CNTN5: variants seen among roughly 807,000 people sequenced by gnomAD.
The protein encoded by CNTN5 is contactin-5.
Under a neutral mutation model 129.1 loss-of-function variants are expected in CNTN5, and 77 were observed. The ratio of observed to expected loss-of-function variants is 0.60; its 90% confidence interval spans 0.50 to 0.72. The LOEUF (loss-of-function observed/expected upper bound fraction) is 0.72. CNTN5 is among the 30% of genes least tolerant of loss of function. The probability of loss-of-function intolerance (pLI) is 0.00; values close to 1 mark genes in which losing one functional copy is unlikely to be tolerated. For synonymous variants in CNTN5, 509 were observed against 465.6 expected, an observed-to-expected ratio of 1.09 and a Z score of -1.20; for missense variants, 1,478 against 1,328.8, an observed-to-expected ratio of 1.11 and a Z score of -1.75.
Position 99,819,749 on chromosome 11 carries a change from T to A in CNTN5, c.261T>A (p.Asp87Glu). The change falls in exon 4 of 25, where the codon GAT (aspartate) becomes GAA (glutamate). Residue 87 changes from aspartate (D) to glutamate (E), a missense_variant. Transcript: ENST00000524871. ...CCATCAATCTTTATCATTCCTCAGA[T>A]GCCTTCAAACAAGATGGTAAGTGTC... Reference protein sequence around the residue: ...YSPINLYHSSDAFKQDESVDY... With the variant: ...YSPINLYHSSEAFKQDESVDY... The A allele has an allele frequency of 6.3e-7, 1 of 1,580,626 alleles. No individual in the cohort carries two copies. The highest frequency in any genetic ancestry group is 8.6e-7 in the Non-Finnish European group (1 of 1,161,776).
At chr11:99,486,914 G>A (rs1396059719) in intron 2 of CNTN5, among the ~76,000 whole-genome samples, 1 of 152,118 alleles carries the variant, frequency 6.6e-6, no homozygotes, top group Non-Finnish European at 1.5e-5. Flanking sequence ...AAGGCTTATA[G>A]ACAGTGAGCT....
chr11:99,698,482 A>G (rs1235759256), intron 3 of CNTN5, among the ~76,000 whole-genome samples: 1 of 151,420 alleles, frequency 6.6e-6, no homozygotes, highest in Non-Finnish European at 1.5e-5. Flanking sequence ...TAGCTTATTT[A>G]TCTCCTTTTT....
intron 8 of CNTN5, among the ~76,000 whole-genome samples, chr11:99,958,019 T>C (rs891392817): frequency 2.0e-5 from 3 of 151,916 alleles, no homozygotes; most frequent in African/African-American, 7.2e-5. Context: ...ATATATATAA[T>C]AGTAACAACA....
At chr11:99,192,831 T>A (rs767060580) in intron 1 of CNTN5, among the ~76,000 whole-genome samples, 32 of 152,106 alleles carry the variant, frequency 2.1e-4, no homozygotes, top group Non-Finnish European at 3.2e-4. Flanking sequence ...GGGACTTTAG[T>A]TAAAAGTAAT....
intron 1 of CNTN5, among the ~76,000 whole-genome samples, chr11:99,312,906 A>G (rs939111584): frequency 3.3e-5 from 5 of 152,030 alleles, no homozygotes; most frequent in African/African-American, 1.2e-4. Context: ...TAAAAAGTGA[A>G]GGAGACAAGA....
intron 1 of CNTN5, among the ~76,000 whole-genome samples, chr11:99,137,098 C>G (rs982727380): frequency 5.9e-5 from 9 of 152,064 alleles, no homozygotes; most frequent in Admixed American, 2.0e-4. Flanking sequence ...TGTATAGAAG[C>G]CTTCTGTTGC....
chr11:100,135,472 G>A (rs1021959647), intron 13 of CNTN5, among the ~76,000 whole-genome samples: 3 of 152,018 alleles, frequency 2.0e-5, no homozygotes, highest in African/African-American at 7.2e-5. Flanking sequence ...ACTGCGCCCG[G>A]CCAGAAAAGA....
intron 21 of CNTN5, among the ~76,000 whole-genome samples, chr11:100,328,845 G>A (rs1277986363): frequency 6.6e-6 from 1 of 152,336 alleles, no homozygotes; most frequent in Admixed American, 6.5e-5. Flanking sequence ...CAGATGGACA[G>A]AGCAGCATGT....
intron 8 of CNTN5, among the ~76,000 whole-genome samples, chr11:99,983,487 G>A (rs1473114124): frequency 6.6e-6 from 1 of 150,576 alleles, no homozygotes; most frequent in African/African-American, 2.4e-5. Flanking sequence ...TGAGTAGACA[G>A]AGTCCTTTAA....
At chr11:99,328,610 C>T (rs977436908) in intron 2 of CNTN5, among the ~76,000 whole-genome samples, 1 of 151,900 alleles carries the variant, frequency 6.6e-6, no homozygotes, top group Admixed American at 6.6e-5. Context: ...GTAGTTCACA[C>T]CTGTAATCCC....
chr11:100,106,595 A>G (rs929683015), intron 13 of CNTN5, among the ~76,000 whole-genome samples: 8 of 152,290 alleles, frequency 5.3e-5, no homozygotes, highest in Middle Eastern at 3.4e-3. Flanking sequence ...TACAGTTTAA[A>G]TTGTACATTG....
intron 2 of CNTN5, among the ~76,000 whole-genome samples, chr11:99,341,881 C>G (rs191197792): frequency 1.1e-4 from 16 of 152,090 alleles, no homozygotes; most frequent in African/African-American, 3.6e-4. Context: ...CAAACCACGG[C>G]TGAAGAAAAG....
At chr11:100,354,694 A>G (rs1243025164) in intron 24 of CNTN5, among the ~76,000 whole-genome samples, 2 of 151,730 alleles carry the variant, frequency 1.3e-5, no homozygotes, top group African/African-American at 4.8e-5. Flanking sequence ...ATGCTTACAC[A>G]AACTTAGATG....
chr11:100,194,100 C>G (rs1412071403), intron 15 of CNTN5, among the ~76,000 whole-genome samples: 1 of 151,920 alleles, frequency 6.6e-6, no homozygotes, highest in African/African-American at 2.4e-5. Flanking sequence ...ACATACAACT[C>G]GTAGTCATAA....
intron 2 of CNTN5, among the ~76,000 whole-genome samples, chr11:99,397,491 AT>A (rs1030507481): frequency 3.3e-5 from 5 of 151,598 alleles, no homozygotes; most frequent in South Asian, 2.1e-4. Context: ...TTTTGTACAG[AT>A]TTTTTTCCTC....
intron 7 of CNTN5, among the ~76,000 whole-genome samples, chr11:99,918,046 C>G (rs1438405716): frequency 2.0e-5 from 3 of 152,158 alleles, no homozygotes; most frequent in Non-Finnish European, 4.4e-5. Context: ...CATCCACTGT[C>G]TTCTACTCAC....
intron 18 of CNTN5, among the ~76,000 whole-genome samples, chr11:100,282,586 G>A (rs897618156): frequency 5.3e-5 from 8 of 152,186 alleles, no homozygotes; most frequent in African/African-American, 1.9e-4. Context: ...CCACTTGCTG[G>A]TGACTGCCTA....
chr11:99,982,240 T>G (rs2137364526), intron 8 of CNTN5, among the ~76,000 whole-genome samples: 1 of 152,316 alleles, frequency 6.6e-6, no homozygotes, highest in African/African-American at 2.4e-5. Context: ...GTTGAAGAAT[T>G]AGCATTGGGG....
At position 99,246,228 on chromosome 11, in the gene CNTN5, AG is replaced by A. The variant is rs376427285; in HGVS notation, c.-209-79116del. On this transcript the variant is annotated intron_variant, in intron 1 of 24. Coordinates refer to ENST00000524871, the MANE Select transcript of CNTN5 (RefSeq NM_014361.4). The stretch of plus-strand genomic sequence containing the variant: ...CGCATTTTGCATTGTTAGCCAAATC[AG>A]GTAACGCTGTAAGAACTAGAGTTAT... Among the ~76,000 whole-genome samples the A allele has an allele frequency of 4.1e-4, 62 of 152,336 alleles. 2 individuals are homozygous for A. In the East Asian group the frequency reaches 0.011, roughly 28 times the overall value.
Sources: allele counts gnomAD v4.1 joint callset (sites outside exome capture counted in the v4.1 genomes callset), GRCh38; gene constraint gnomAD v4.1.1; transcripts MANE v1.5; gene names NCBI Gene and HGNC (gene_info 2026-07-23, HGNC 2026-07-21).